SH3RF3: variants seen among roughly 807,000 people sequenced by gnomAD.
SH3RF3 encodes SH3 domain containing ring finger 3.
In SH3RF3, 29 loss-of-function variants were observed where a neutral mutation model predicts 66.3. That is an observed-to-expected ratio of 0.44 (90% CI 0.33 to 0.60). The LOEUF (loss-of-function observed/expected upper bound fraction) is 0.60. Among genes scored for constraint, SH3RF3 ranks in the 20% least tolerant of loss-of-function variants. The probability of loss-of-function intolerance (pLI) is 0.04; values close to 1 mark genes in which losing one functional copy is unlikely to be tolerated. For missense variants in SH3RF3, 1,194 were observed against 1,190.9 expected (o/e 1.00, Z -0.04); for synonymous variants, 583 against 532.0 (o/e 1.10, Z -1.32).
intron 1 of SH3RF3, among the ~76,000 whole-genome samples, chr2:109,212,127 C>T (rs1678999121): frequency 6.6e-6 from 1 of 152,166 alleles, no homozygotes; most frequent in African/African-American, 2.4e-5. Flanking sequence ...GGCAATGGTC[C>T]GAATCGAGCC....
At chr2:109,500,982 T>G (rs1460475716) in intron 9 of SH3RF3, among the ~76,000 whole-genome samples, 3 of 152,164 alleles carry the variant, frequency 2.0e-5, no homozygotes, top group Non-Finnish European at 2.9e-5. Flanking sequence ...TAAACAATGT[T>G]CCAAGTACCT....
At chr2:109,143,194 G>C (rs1676999849) in intron 1 of SH3RF3, among the ~76,000 whole-genome samples, 1 of 152,152 alleles carries the variant, frequency 6.6e-6, no homozygotes, top group Admixed American at 6.5e-5. Flanking sequence ...GGTGCATATA[G>C]AAAAATTGTG....
At chr2:109,287,629 G>T (rs1681058384) in intron 1 of SH3RF3, among the ~76,000 whole-genome samples, 1 of 152,156 alleles carries the variant, frequency 6.6e-6, no homozygotes, top group Non-Finnish European at 1.5e-5. Context: ...TGTCCAATGG[G>T]AGGCGGGAGG....
chr2:109,416,152 G>A (rs990292485), intron 4 of SH3RF3, among the ~76,000 whole-genome samples: 7 of 152,160 alleles, frequency 4.6e-5, no homozygotes, highest in African/African-American at 1.7e-4. Flanking sequence ...TAGGTATTCT[G>A]TCGTAAGCAA....
intron 8 of SH3RF3, among the ~76,000 whole-genome samples, chr2:109,470,326 A>G (rs1678469676): frequency 6.6e-6 from 1 of 152,230 alleles, no homozygotes; most frequent in Non-Finnish European, 1.5e-5. Context: ...CATTTCGGGT[A>G]GACTCCTGCT....
intron 1 of SH3RF3, among the ~76,000 whole-genome samples, chr2:109,274,692 G>A (rs1680710027): frequency 2.6e-5 from 4 of 152,208 alleles, no homozygotes; most frequent in African/African-American, 4.8e-5. Flanking sequence ...TGATACAAAT[G>A]TTCTGATAGA....
At chr2:109,295,052 A>T (rs113229964) in intron 1 of SH3RF3, among the ~76,000 whole-genome samples, 5,316 of 152,360 alleles carry the variant, frequency 0.035, 239 homozygotes, top group African/African-American at 0.096. Context: ...TCCCTGCAGG[A>T]AATGCCACTG....
At chr2:109,160,700 C>T (rs1191310629) in intron 1 of SH3RF3, among the ~76,000 whole-genome samples, 1 of 152,188 alleles carries the variant, frequency 6.6e-6, no homozygotes, top group East Asian at 1.9e-4. Context: ...ACTGCAGGGG[C>T]TGTGCTCTCA....
At chr2:109,338,944 G>T (rs537055556) in intron 1 of SH3RF3, among the ~76,000 whole-genome samples, 22 of 152,210 alleles carry the variant, frequency 1.4e-4, no homozygotes, top group African/African-American at 4.1e-4. Context: ...CACATATCTT[G>T]GGAGAACTAT....
At chr2:109,407,534 C>CA (rs1676480532) in intron 4 of SH3RF3, among the ~76,000 whole-genome samples, 1 of 152,172 alleles carries the variant, frequency 6.6e-6, no homozygotes, top group South Asian at 2.1e-4. Context: ...GGAGCTGAAG[C>CA]AGGACCTTCC....
intron 3 of SH3RF3, among the ~76,000 whole-genome samples, chr2:109,391,413 G>A (rs1559057637): frequency 6.6e-6 from 1 of 152,202 alleles, no homozygotes; most frequent in Non-Finnish European, 1.5e-5. Context: ...ACAGGCTCGG[G>A]GAGGGGTGCG....
rs757969847 is a variant in SH3RF3, at chr2:109,432,684, T to C, written c.1574+13T>C. The C allele has an allele frequency of 1.4e-5, 23 of 1,606,438 alleles. No individual in the cohort carries two copies. The highest frequency in any genetic ancestry group is 1.7e-5 in the Non-Finnish European group (20 of 1,176,384). The stretch of plus-strand genomic sequence containing the variant: ...CACCCGTTTCCAGGTGAGGGCATGG[T>C]GGTGGCAGCCTGGGCAAGGAGAGGG... On this transcript the variant is annotated intron_variant, in intron 6 of 9. Transcript: ENST00000309415.
At chr2:109,407,995 G>C (rs569897681) in intron 4 of SH3RF3, among the ~76,000 whole-genome samples, 1 of 152,140 alleles carries the variant, frequency 6.6e-6, no homozygotes, top group Non-Finnish European at 1.5e-5. Flanking sequence ...GTTTCTGCCT[G>C]TGCCTCCAGG....
At chr2:109,456,181 G>C (rs1352604954) in intron 8 of SH3RF3, among the ~76,000 whole-genome samples, 1 of 152,186 alleles carries the variant, frequency 6.6e-6, no homozygotes, top group Admixed American at 6.5e-5. Flanking sequence ...CTCTGCCCTG[G>C]CCACTTGTGC....
At chr2:109,146,029 C>T (rs1359586031) in intron 1 of SH3RF3, among the ~76,000 whole-genome samples, 4 of 151,030 alleles carry the variant, frequency 2.6e-5, no homozygotes, top group East Asian at 1.9e-4. Flanking sequence ...CTATGTGGGC[C>T]GACGGAGTCC....
chr2:109,174,683 T>C (rs924603745), intron 1 of SH3RF3, among the ~76,000 whole-genome samples: 1 of 152,224 alleles, frequency 6.6e-6, no homozygotes, highest in African/African-American at 2.4e-5. Flanking sequence ...GAAGATGATA[T>C]TTTCAGGATA....
intron 7 of SH3RF3, among the ~76,000 whole-genome samples, chr2:109,443,393 C>A (rs544151195): frequency 6.6e-6 from 1 of 152,178 alleles, no homozygotes; most frequent in African/African-American, 2.4e-5. Context: ...AAACAAAAAT[C>A]GCCTTGTTCA....
intron 1 of SH3RF3, among the ~76,000 whole-genome samples, chr2:109,217,168 A>G (rs912395467): frequency 3.9e-5 from 6 of 152,190 alleles, no homozygotes; most frequent in African/African-American, 1.4e-4. Flanking sequence ...TTGTTTATTC[A>G]TTCGTCTGCT....
At chr2:109,155,643 A>G (rs551024329) in intron 1 of SH3RF3, among the ~76,000 whole-genome samples, 11 of 152,186 alleles carry the variant, frequency 7.2e-5, no homozygotes, top group Non-Finnish European at 1.3e-4. Flanking sequence ...TTTGTGATTT[A>G]TTTCAAGCAG....
Sources: allele counts gnomAD v4.1 joint callset (sites outside exome capture counted in the v4.1 genomes callset), GRCh38; gene constraint gnomAD v4.1.1; transcripts MANE v1.5; gene names NCBI Gene and HGNC (gene_info 2026-07-23, HGNC 2026-07-21).